The following PCDHGB2 variants were observed in gnomAD, a reference collection of about 807,000 sequenced individuals.
The protein encoded by PCDHGB2 is protocadherin gamma subfamily B, 2.
In PCDHGB2, 55 loss-of-function variants were observed where a neutral mutation model predicts 59.3. The ratio of observed to expected loss-of-function variants is 0.93; its 90% confidence interval spans 0.75 to 1.16. The LOEUF (loss-of-function observed/expected upper bound fraction) is 1.16, where lower values mean the gene tolerates loss of function less well. PCDHGB2 is among the 50% of genes most tolerant of loss of function. The probability of loss-of-function intolerance (pLI) is 0.00; values close to 1 mark genes in which losing one functional copy is unlikely to be tolerated. For missense variants in PCDHGB2, 1,228 were observed against 1,198.5 expected (o/e 1.02, Z -0.36); for synonymous variants, 516 against 512.0 (o/e 1.01, Z -0.11).
At chr5:141,364,355 G>T in intron 1 of PCDHGB2, 1 of 1,555,424 alleles carries the variant, frequency 6.4e-7, no homozygotes, top group Non-Finnish European at 8.7e-7. Context: ...TAGGGGCTGG[G>T]GCTGCGGAGA....
At chr5:141,384,442 T>G in intron 1 of PCDHGB2, 15 of 1,614,046 alleles carry the variant, frequency 9.3e-6, no homozygotes, top group Non-Finnish European at 1.3e-5. Context: ...TGGAGTCCTG[T>G]ACGCGCTGCA....
chr5:141,411,724 A>G (rs2095509404), intron 1 of PCDHGB2: 1 of 152,684 alleles, frequency 6.5e-6, no homozygotes, highest in South Asian at 2.1e-4. Flanking sequence ...GCTACAGAAC[A>G]TTTAAAAATT....
In PCDHGB2 at chr5:141,489,307, T is replaced by A; in HGVS notation, c.2422-5500T>A. On this transcript the variant is annotated intron_variant, in intron 1 of 3. Transcript: ENST00000522605. The surrounding 1 kb of genome is among the most constrained non-coding windows in gnomAD (Gnocchi z 4.5). ...AGTGCTGTGCATGTTGTCCTTGTGCTGCTGGGGCTGGGTGTCTGGGCAGCT... is the reference window on the plus strand; with the variant it reads ...AGTGCTGTGCATGTTGTCCTTGTGCAGCTGGGGCTGGGTGTCTGGGCAGCT... The A allele has an allele frequency of 6.3e-7, 1 of 1,591,138 alleles. No individual in the cohort carries two copies. The highest frequency in any genetic ancestry group is 8.6e-7 in the Non-Finnish European group (1 of 1,168,222).
In PCDHGB2 at chr5:141,395,765, C is replaced by T. The variant is rs143173330; in HGVS notation, c.2421+33209C>T. The T allele has an allele frequency of 7.5e-4, 114 of 152,628 alleles. No homozygotes were observed. The Middle Eastern group carries it at 0.03, about 41-fold the overall frequency. 9.5% of individuals were successfully genotyped at this position (152,628 alleles called of 1,614,324 possible). Reference sequence around the variant, plus strand: ...TCTTTTCTGAGCCCTGTTTCTGTACCAGTGCCCTTCAAAACTTTAATACTT... The same window carrying T: ...TCTTTTCTGAGCCCTGTTTCTGTACTAGTGCCCTTCAAAACTTTAATACTT... On this transcript the variant is annotated intron_variant, in intron 1 of 3. Coordinates refer to ENST00000522605, the MANE Select transcript of PCDHGB2 (RefSeq NM_018923.3).
intron 1 of PCDHGB2, chr5:141,427,261 C>A (rs903526432): frequency 1.5e-5 from 7 of 456,556 alleles, no homozygotes; most frequent in African/African-American, 4.0e-5. Flanking sequence ...GGAGGCATGA[C>A]CAGCGAATGT....
At chr5:141,423,091 G>C (rs1243671863) in intron 1 of PCDHGB2, 11 of 1,613,908 alleles carry the variant, frequency 6.8e-6, no homozygotes, top group South Asian at 2.2e-5. Context: ...CGCGGTGGGG[G>C]AGCACACGGG....
intron 1 of PCDHGB2, chr5:141,417,710 T>C: frequency 8.0e-7 from 1 of 1,249,348 alleles, no homozygotes; most frequent in Non-Finnish European, 1.1e-6. Context: ...ACACAGAGGC[T>C]CCCGGCTGCG....
chr5:141,389,853 A>G, intron 1 of PCDHGB2: 1 of 1,614,050 alleles, frequency 6.2e-7, no homozygotes, highest in South Asian at 1.1e-5. Context: ...GGCCACTGCC[A>G]CGTTGCACCT....
chr5:141,373,102 C>T (rs182664411), intron 1 of PCDHGB2, among the ~76,000 whole-genome samples: 60 of 152,332 alleles, frequency 3.9e-4, no homozygotes, highest in Admixed American at 3.5e-3. Flanking sequence ...CATTTTCAGA[C>T]ATATCTATCC....
intron 1 of PCDHGB2, chr5:141,405,435 T>TAG: frequency 6.8e-7 from 1 of 1,463,324 alleles, no homozygotes; most frequent in Non-Finnish European, 9.3e-7. Flanking sequence ...TTGTTTTGTT[T>TAG]TTGAGACAGA....
At chr5:141,473,808 C>G (rs1562041705) in intron 1 of PCDHGB2, among the ~76,000 whole-genome samples, 1 of 152,198 alleles carries the variant, frequency 6.6e-6, no homozygotes, top group Non-Finnish European at 1.5e-5. Flanking sequence ...TACTGAGGAG[C>G]AGCTGGACAA....
At chr5:141,427,824 G>A (rs1298494092) in intron 1 of PCDHGB2, 5 of 1,535,458 alleles carry the variant, frequency 3.3e-6, no homozygotes, top group African/African-American at 1.4e-5. Flanking sequence ...GGTGGTGGTC[G>A]CGCAGCGTGC....
chr5:141,448,786 A>C (rs1354591718), intron 1 of PCDHGB2, among the ~76,000 whole-genome samples: 1 of 148,848 alleles, frequency 6.7e-6, no homozygotes, highest in African/African-American at 2.5e-5. Flanking sequence ...TAAAAATACA[A>C]AAAAAAAAAT....
rs1561863226 is a variant in PCDHGB2, at chr5:141,432,653, C to T, written c.2422-62154C>T. On this transcript the variant is annotated intron_variant, in intron 1 of 3. Transcript: ENST00000522605. The surrounding 1 kb of genome is among the most constrained non-coding windows in gnomAD (Gnocchi z 6.0). Reference sequence around the variant, plus strand: ...GGGCGAGGTGCGCACGGCGCGAGCCCTGCTGGACAGAGACGCGCTCAAGCA... The same window carrying T: ...GGGCGAGGTGCGCACGGCGCGAGCCTTGCTGGACAGAGACGCGCTCAAGCA... 5 of 1,613,852 alleles carry T rather than the reference C, an allele frequency of 3.1e-6. No individual in the cohort carries two copies. In the South Asian group the frequency reaches 4.4e-5, roughly 14 times the overall value.
intron 1 of PCDHGB2, chr5:141,402,987 G>GATTA: frequency 6.2e-7 from 1 of 1,611,924 alleles, no homozygotes; most frequent in Non-Finnish European, 8.5e-7. Flanking sequence ...CTCCGCGGAA[G>GATTA]ATTAGTCCTG....
At position 141,361,215 on chromosome 5, in the gene PCDHGB2, G is replaced by A; in HGVS notation, c.1080G>A (p.Ser360=). ...TATCTACTCCCCTACCGGAGGATTCGCCACCAGGAACAGTGATCGCCTTGA... is the reference window on the plus strand; with the variant it reads ...TATCTACTCCCCTACCGGAGGATTCACCACCAGGAACAGTGATCGCCTTGA... ...TSVSTPLPED[S]PPGTVIALIK... is the part of the protein sequence containing the mutation. Residue 360 remains serine, a synonymous_variant, in exon 1 of 4, where the codon TCG becomes TCA. Coordinates refer to ENST00000522605, the MANE Select transcript of PCDHGB2 (RefSeq NM_018923.3). 1.2e-6 allele frequency: 2 copies of A among 1,613,962 alleles called. No homozygotes were observed. The highest frequency in any genetic ancestry group is 1.7e-6 in the Non-Finnish European group (2 of 1,179,880).
rs1057108915 is a variant in PCDHGB2 at position 141,511,366 on chromosome 5, T to C, written c.*193T>C. The C allele has an allele frequency of 3.8e-6, 5 of 1,306,414 alleles. No individual in the cohort carries two copies. In the Admixed American group the frequency reaches 8.4e-5, roughly 22 times the overall value. The allele number at this position is 1,306,414 out of a possible 1,614,324, so 80.9% of individuals were successfully genotyped here. A position where few individuals can be genotyped will look rare whatever the true frequency, so the allele number is the denominator to read the frequency against. On this transcript the variant is annotated 3_prime_UTR_variant, in exon 4 of 4. Transcript: ENST00000522605. ...CCCTTCCCCCCCAGGGGGTTGAATA[T>C]GCAAAAGCAGTTCCGCTGGGAACCC...
chr5:141,496,932 T>G (rs1336402833), intron 2 of PCDHGB2, among the ~76,000 whole-genome samples: 1 of 148,964 alleles, frequency 6.7e-6, no homozygotes, highest in Non-Finnish European at 1.5e-5. Context: ...ACGCCTGTAA[T>G]CCCAGCACTT....
intron 1 of PCDHGB2, chr5:141,372,593 C>G (rs748684942): frequency 6.2e-7 from 1 of 1,614,030 alleles, no homozygotes; most frequent in Non-Finnish European, 8.5e-7. Context: ...GTGTCTGCTT[C>G]AAGACTGTAC....
Sources: gnomAD v4.1 joint callset for allele counts (sites outside exome capture counted in the v4.1 genomes callset) on GRCh38, gnomAD v4.1.1 for gene constraint, Gnocchi (gnomAD v3.1) non-coding constraint, MANE v1.5 for transcripts, NCBI Gene and HGNC (gene_info 2026-07-23, HGNC 2026-07-21) for gene names.